LRP1B: variants seen among roughly 807,000 people sequenced by gnomAD.
LRP1B encodes low-density lipoprotein receptor-related protein 1B.
A neutral mutation model predicts 556.6 loss-of-function variants in LRP1B; 217 were observed. The ratio of observed to expected loss-of-function variants is 0.39; its 90% confidence interval spans 0.35 to 0.44. LRP1B has a LOEUF of 0.44. LRP1B is among the 20% of genes least tolerant of loss of function. LRP1B has a pLI of 1.00. For synonymous variants in LRP1B, 2,047 were observed against 1,865.8 expected (o/e 1.10, Z -2.50); for missense variants, 5,053 against 5,620.8 (o/e 0.90, Z 3.23).
At chr2:142,086,292 C>T (rs1705918993) in intron 1 of LRP1B, among the ~76,000 whole-genome samples, 1 of 152,108 alleles carries the variant, frequency 6.6e-6, no homozygotes, top group Admixed American at 6.6e-5. Context: ...TTTCCTGTGG[C>T]TGTGGTGTTG....
intron 51 of LRP1B, among the ~76,000 whole-genome samples, chr2:140,512,498 T>C (rs1446829498): frequency 2.0e-5 from 3 of 152,150 alleles, no homozygotes; most frequent in Admixed American, 2.0e-4. Flanking sequence ...CGGATAATAA[T>C]ATTTAATTGA....
At position 142,130,964 on chromosome 2, in the gene LRP1B, T is replaced by A. The variant is rs1163074895; in HGVS notation, c.-235A>T. 8.6e-6 allele frequency: 5 copies of A among 578,110 alleles called. No homozygotes were observed. The Admixed American group carries it at 1.5e-4, about 17-fold the overall frequency. The allele number at this position is 578,110 out of a possible 1,614,324, so 35.8% of individuals were successfully genotyped here. Reference sequence around the variant, plus strand: ...CGGGAGAGAGGAGGCAGAGCGTGTGTGAGCGCGAGCGAGACGCCCGTGTGT... The same window carrying A: ...CGGGAGAGAGGAGGCAGAGCGTGTGAGAGCGCGAGCGAGACGCCCGTGTGT... On this transcript the variant is annotated 5_prime_UTR_variant, in exon 1 of 91. Coordinates refer to ENST00000389484, the MANE Select transcript of LRP1B (RefSeq NM_018557.3).
intron 3 of LRP1B, among the ~76,000 whole-genome samples, chr2:141,360,709 C>A (rs150801165): frequency 6.6e-6 from 1 of 152,116 alleles, no homozygotes; most frequent in Non-Finnish European, 1.5e-5. Context: ...GACAATTCCC[C>A]GGCAGGAGGA....
At chr2:141,969,135 A>T (rs772241573) in intron 1 of LRP1B, among the ~76,000 whole-genome samples, 1 of 150,770 alleles carries the variant, frequency 6.6e-6, no homozygotes, top group East Asian at 1.9e-4. Flanking sequence ...AAAGCTATAC[A>T]TTGACAAATT....
intron 1 of LRP1B, among the ~76,000 whole-genome samples, chr2:141,815,945 A>T (rs1172794688): frequency 6.6e-6 from 1 of 152,230 alleles, no homozygotes; most frequent in African/African-American, 2.4e-5. Flanking sequence ...GTAAAGGTTT[A>T]GAATGATTGC....
chr2:142,009,804 T>C (rs1048313969), intron 1 of LRP1B, among the ~76,000 whole-genome samples: 2 of 152,214 alleles, frequency 1.3e-5, no homozygotes, highest in East Asian at 3.9e-4. Context: ...ATATATTGTA[T>C]ATAGAAATAA....
At position 140,385,914 on chromosome 2, in the gene LRP1B, T is replaced by A; in HGVS notation, c.10510A>T (p.Asn3504Tyr). 6.2e-7 allele frequency: 1 copy of A among 1,610,840 alleles called. No homozygotes were observed. ...TTACTACAGTTTTCTTCATCTGAAT[T>A]ATCACTGCAGTCATTTTGGCTATCA... ...RCDSQNDCSD[N>Y]SDEENCKPQT... is the part of the protein sequence containing the mutation. Residue 3504 changes from asparagine (N) to tyrosine (Y), a missense_variant, in exon 67 of 91, where the codon AAT becomes TAT. Coordinates refer to ENST00000389484, the MANE Select transcript of LRP1B (RefSeq NM_018557.3).
intron 3 of LRP1B, among the ~76,000 whole-genome samples, chr2:141,428,256 C>CGTGTATTCTGCTACTGTTGGTTGA (rs1680442367): frequency 6.6e-6 from 1 of 152,106 alleles, no homozygotes; most frequent in Non-Finnish European, 1.5e-5. Context: ...GTGATTCCTG[C>CGTGTATTCTGCTACTGTTGGTTGA]AGTATGACTG....
intron 43 of LRP1B, among the ~76,000 whole-genome samples, chr2:140,554,604 T>A (rs16844240): frequency 0.022 from 3,375 of 152,118 alleles, 95 homozygotes; most frequent in African/African-American, 0.065. Context: ...AGTTTTTGTA[T>A]ACATTCATTA....
chr2:140,811,701 A>T (rs1159162971), intron 32 of LRP1B, among the ~76,000 whole-genome samples: 1 of 152,156 alleles, frequency 6.6e-6, no homozygotes, highest in African/African-American at 2.4e-5. Flanking sequence ...GTACAAAGAC[A>T]TAAGACAAAA....
intron 1 of LRP1B, among the ~76,000 whole-genome samples, chr2:142,016,620 T>C (rs761419774): frequency 4.0e-5 from 6 of 150,980 alleles, no homozygotes; most frequent in Admixed American, 6.6e-5. Flanking sequence ...TAAGTGGGAG[T>C]TGAACAATGA....
chr2:141,484,773 T>C lies in LRP1B; in HGVS notation c.206-4240A>G, dbSNP rs1048401888. Among the ~76,000 whole-genome samples, 3 of 152,134 alleles carry C rather than the reference T, an allele frequency of 2.0e-5. No individual in the cohort carries two copies. The East Asian group carries it at 5.8e-4, about 30-fold the overall frequency. ...GATTTGGCTCTCTGTTTGTCTGTTA[T>C]TGGTGTATAAGAATGGTTGTGATTT... On this transcript the variant is annotated intron_variant, in intron 2 of 90. Transcript: ENST00000389484.
At position 142,008,690 on chromosome 2, in the gene LRP1B, A is replaced by AT. The variant is rs368859994; in HGVS notation, c.82+121957dup. 1.9e-3 allele frequency among the ~76,000 whole-genome samples: 285 copies of AT among 149,294 alleles called. 2 individuals carry two copies. Among genetic ancestry groups the AT allele is most frequent in the East Asian group, 7.5e-3 (38 of 5,094 alleles). On this transcript the variant is annotated intron_variant, in intron 1 of 90. Transcript: ENST00000389484. ...CTGTGGGTGACTTGATTACTGCATGATTTTTTTTTTCCGAGTCCTCTCAAA... is the reference window on the plus strand; with the variant it reads ...CTGTGGGTGACTTGATTACTGCATGATTTTTTTTTTTCCGAGTCCTCTCAAA...
intron 43 of LRP1B, among the ~76,000 whole-genome samples, chr2:140,547,560 A>T: frequency 6.6e-6 from 1 of 151,894 alleles, no homozygotes; most frequent in Non-Finnish European, 1.5e-5. Flanking sequence ...TTATTAATTT[A>T]GCCAGTGGTC....
At chr2:141,201,403 A>T (rs2105226168) in intron 6 of LRP1B, among the ~76,000 whole-genome samples, 1 of 152,070 alleles carries the variant, frequency 6.6e-6, no homozygotes, top group Admixed American at 6.6e-5. Flanking sequence ...ACCAAGAAAC[A>T]TTTTCTGACT....
intron 23 of LRP1B, among the ~76,000 whole-genome samples, chr2:140,892,500 C>T (rs1012063226): frequency 1.3e-5 from 2 of 152,156 alleles, no homozygotes; most frequent in African/African-American, 4.8e-5. Context: ...TATCATGTTA[C>T]TCCTACATAT....
intron 1 of LRP1B, among the ~76,000 whole-genome samples, chr2:141,840,356 C>T (rs919621766): frequency 1.3e-5 from 2 of 149,758 alleles, no homozygotes; most frequent in Admixed American, 6.7e-5. Context: ...TTCCGCCTCC[C>T]GGGTTCACGC....
chr2:140,637,934 A>G (rs1283794201), intron 41 of LRP1B, among the ~76,000 whole-genome samples: 2 of 152,220 alleles, frequency 1.3e-5, no homozygotes, highest in Non-Finnish European at 2.9e-5. Context: ...ATACGTGATC[A>G]AGGTATTAGC....
At chr2:141,048,025 C>A (rs1470397233) in intron 11 of LRP1B, among the ~76,000 whole-genome samples, 1 of 152,116 alleles carries the variant, frequency 6.6e-6, no homozygotes, top group Non-Finnish European at 1.5e-5. Flanking sequence ...GCTGCAGTGT[C>A]TTGAAACTTT....
Sources: allele counts gnomAD v4.1 joint callset (sites outside exome capture counted in the v4.1 genomes callset), GRCh38; gene constraint gnomAD v4.1.1; transcripts MANE v1.5; gene names NCBI Gene and HGNC (gene_info 2026-07-23, HGNC 2026-07-21).